Variants in BIRC5 observed in about 807,000 individuals in gnomAD.
BIRC5 encodes the protein baculoviral IAP repeat containing 5.
BIRC5 carries 8 observed loss-of-function variants against 15.8 expected under a neutral mutation model. The ratio of observed to expected loss-of-function variants is 0.51; its 90% CI spans 0.30 to 0.91. BIRC5 has a LOEUF of 0.91. Ranked by LOEUF, BIRC5 falls within the 40% of genes least tolerant of loss-of-function variation. The pLI is 0.07. For missense variants in BIRC5, 163 were observed against 178.6 expected, an observed-to-expected ratio of 0.91 and a Z score of 0.50; for synonymous variants, 56 against 64.5, an observed-to-expected ratio of 0.87 and a Z score of 0.63.
Position 78,214,440 on chromosome 17 carries a change from G to A in BIRC5, c.111+13G>A, listed in dbSNP as rs527915990. ...CACCCCGGAGCGGGTGAGACTGCCC[G>A]GCCTCCTGGGGTCCCCCACGCCCGC... On this transcript the variant is annotated intron_variant, in intron 1 of 3. Transcript: ENST00000350051. 1.0e-5 allele frequency: 16 copies of A among 1,530,374 alleles called. 1 individual carries two copies. The South Asian group carries it at 1.6e-4, about 16-fold the overall frequency. The allele number at this position is 1,530,374 out of a possible 1,614,324, so 94.8% of individuals were successfully genotyped here. A position where few individuals can be genotyped will look rare whatever the true frequency, so the allele number is the denominator to read the frequency against.
At chr17:78,215,852 GGT>G in intron 2 of BIRC5, 1 of 1,047,820 alleles carries the variant, frequency 9.5e-7, no homozygotes, top group Non-Finnish European at 1.2e-6. Context: ...TTCTGGTAAC[GGT>G]GATAGTCAGT....
intron 3 of BIRC5, among the ~76,000 whole-genome samples, chr17:78,218,054 T>G (rs1269926379): frequency 6.7e-6 from 1 of 150,346 alleles, no homozygotes; most frequent in Non-Finnish European, 1.5e-5. Context: ...CAAGGGATCC[T>G]TTTGCCTGGG....
At position 78,223,790 on chromosome 17, in the gene BIRC5, CTT is replaced by C; in HGVS notation, c.*241_*242del. ...AGTGGCTGCTTCTCTCTCTCTCTCT[CTT>C]TTTTGGGGGCTCATTTTTGCTGTTT... On this transcript the variant is annotated 3_prime_UTR_variant, in exon 4 of 4. Transcript: ENST00000350051. 2.4e-6 allele frequency: 2 copies of C among 833,232 alleles called. No homozygotes were observed. The highest frequency in any genetic ancestry group is 3.1e-5 in the East Asian group (1 of 31,838). 51.6% of individuals were successfully genotyped at this position (833,232 alleles called of 1,614,324 possible).
intron 2 of BIRC5, among the ~76,000 whole-genome samples, chr17:78,215,320 G>C (rs779113868): frequency 6.6e-5 from 10 of 152,138 alleles, no homozygotes; most frequent in Non-Finnish European, 1.2e-4. Flanking sequence ...GGGAGGCTAA[G>C]GCAGGAGAAT....
chr17:78,215,431 GAA>G (rs955782633), intron 2 of BIRC5, among the ~76,000 whole-genome samples: 2 of 135,520 alleles, frequency 1.5e-5, no homozygotes, highest in Non-Finnish European at 1.6e-5. Flanking sequence ...ATAAAAAATT[GAA>G]AAAAAAAAAA....
intron 3 of BIRC5, among the ~76,000 whole-genome samples, chr17:78,219,219 C>T (rs1197361303): frequency 6.6e-6 from 1 of 152,140 alleles, no homozygotes; most frequent in Non-Finnish European, 1.5e-5. Flanking sequence ...GAGTGTCACT[C>T]AGTCGCCCAG....
At chr17:78,223,223 C>T (rs2076526960) in intron 3 of BIRC5, among the ~76,000 whole-genome samples, 1 of 152,184 alleles carries the variant, frequency 6.6e-6, no homozygotes, top group Non-Finnish European at 1.5e-5. Flanking sequence ...GTGCTGGGTG[C>T]ATACCAAGCA....
chr17:78,215,651 GGCCAGAAGAGAGTA>G (rs1419504235), intron 2 of BIRC5, among the ~76,000 whole-genome samples: 1 of 150,938 alleles, frequency 6.6e-6, no homozygotes, highest in Non-Finnish European at 1.5e-5. Context: ...TTTTCTTTTT[GGCCAGAAGAGAGTA>G]GCTGTTTTTT....
chr17:78,217,364 C>T (rs1209908023), intron 3 of BIRC5, among the ~76,000 whole-genome samples: 4 of 150,008 alleles, frequency 2.7e-5, no homozygotes, highest in African/African-American at 4.9e-5. Flanking sequence ...TTGGTAGAGA[C>T]GAGGTTTCAC....
chr17:78,222,492 C>T (rs1375539615), intron 3 of BIRC5, among the ~76,000 whole-genome samples: 1 of 151,842 alleles, frequency 6.6e-6, no homozygotes, highest in Non-Finnish European at 1.5e-5. Context: ...CATGGAGAGA[C>T]CCCATCTCTA....
intron 3 of BIRC5, among the ~76,000 whole-genome samples, 178 bp downstream of exon 3, chr17:78,216,959 A>G (rs1311298955): frequency 1.3e-5 from 2 of 151,608 alleles, no homozygotes; most frequent in Non-Finnish European, 2.9e-5. Flanking sequence ...GGCTCACTGC[A>G]ACCTCTGCCT....
At chr17:78,218,870 G>A (rs1177130335) in intron 3 of BIRC5, among the ~76,000 whole-genome samples, 19 of 152,096 alleles carry the variant, frequency 1.2e-4, no homozygotes, top group Non-Finnish European at 1.5e-5. Flanking sequence ...GCCTCCCAAA[G>A]CGCTGAGATT....
chr17:78,216,642 G>A (rs371741114), intron 2 of BIRC5, 22 bp from the exon 3 acceptor site: 29 of 1,608,424 alleles, frequency 1.8e-5, no homozygotes, highest in Non-Finnish European at 8.5e-6. Context: ...CTGCCTTTCC[G>A]CTGTTGTTTT....
At chr17:78,221,806 ATG>A (rs2076517501) in intron 3 of BIRC5, among the ~76,000 whole-genome samples, 1 of 152,196 alleles carries the variant, frequency 6.6e-6, no homozygotes. Context: ...TGAATAATCC[ATG>A]TGTGTATATA....
Position 78,214,442 on chromosome 17 carries a change from C to A in BIRC5, c.111+15C>A. The A allele has an allele frequency of 6.5e-7, 1 of 1,531,118 alleles. No homozygotes were observed. The allele number at this position is 1,531,118 out of a possible 1,614,324, so 94.8% of individuals were successfully genotyped here. ...CCCCGGAGCGGGTGAGACTGCCCGG[C>A]CTCCTGGGGTCCCCCACGCCCGCCT... On this transcript the variant is annotated intron_variant, in intron 1 of 3. Coordinates refer to ENST00000350051, the MANE Select transcript of BIRC5 (RefSeq NM_001168.3).
rs896691159 is a variant in BIRC5 at position 78,225,483 on chromosome 17, C to T, written c.*1929C>T. On this transcript the variant is annotated 3_prime_UTR_variant, in exon 4 of 4. Coordinates refer to ENST00000350051, the MANE Select transcript of BIRC5 (RefSeq NM_001168.3). ...TGAGGTTCCAATGGCAGGTTAGAGC[C>T]CCTCGGGCCAACTGCCATCCTGGAA... The T allele has an allele frequency of 6.6e-6, 1 of 152,162 alleles. No homozygotes were observed. The highest frequency in any genetic ancestry group is 2.4e-5 in the African/African-American group (1 of 41,422). The allele number at this position is 152,162 out of a possible 1,614,324, so 9.4% of individuals were successfully genotyped here.
At chr17:78,215,917 T>C in intron 2 of BIRC5, 2 of 1,066,002 alleles carry the variant, frequency 1.9e-6, no homozygotes, top group Non-Finnish European at 1.2e-6. Flanking sequence ...AGGGGGTCCC[T>C]TGGGGAACCC....
intron 3 of BIRC5, among the ~76,000 whole-genome samples, chr17:78,219,647 T>C (rs940913820): frequency 1.3e-5 from 2 of 152,220 alleles, no homozygotes; most frequent in African/African-American, 4.8e-5. Flanking sequence ...TTTTTCCAGG[T>C]CAGGGGTCAG....
At chr17:78,219,397 C>T (rs536475910) in intron 3 of BIRC5, among the ~76,000 whole-genome samples, 98 of 152,304 alleles carry the variant, frequency 6.4e-4, no homozygotes, top group Non-Finnish European at 1.2e-3. Flanking sequence ...GTTGGCTAAG[C>T]TGGTCTCGAA....
Sources: gnomAD v4.1 joint callset for allele counts (sites outside exome capture counted in the v4.1 genomes callset) on GRCh38, gnomAD v4.1.1 for gene constraint, MANE v1.5 for transcripts, NCBI Gene and HGNC (gene_info 2026-07-23, HGNC 2026-07-21) for gene names.